The following IMMP2L variants were observed in gnomAD, a reference collection of about 807,000 sequenced individuals.
IMMP2L encodes inner mitochondrial membrane peptidase subunit 2, also known as mitochondrial inner membrane protease subunit 2.
In IMMP2L, 18 loss-of-function variants were observed where a neutral mutation model predicts 19.3. The observed-to-expected ratio is 0.93, with a 90% confidence interval of 0.64 to 1.38. The LOEUF (loss-of-function observed/expected upper bound fraction) is 1.38, where lower values mean the gene tolerates loss of function less well. Among genes scored for constraint, IMMP2L ranks in the 40% most tolerant of loss-of-function variants. IMMP2L has a pLI of 0.00. For missense variants in IMMP2L, 233 were observed against 218.2 expected (o/e 1.07, Z -0.43); for synonymous variants, 76 against 73.0 (o/e 1.04, Z -0.21).
chr7:111,296,500 A>G (rs1821655404), intron 3 of IMMP2L, among the ~76,000 whole-genome samples: 1 of 151,282 alleles, frequency 6.6e-6, no homozygotes, highest in Admixed American at 6.6e-5. Context: ...CTGTTAGAAT[A>G]GCTTTAAAAA....
chr7:111,014,386 TATACACACACAC>T (rs1355918554), intron 3 of IMMP2L, among the ~76,000 whole-genome samples: 1 of 151,810 alleles, frequency 6.6e-6, no homozygotes, highest in Non-Finnish European at 1.5e-5. Flanking sequence ...TGTATATATA[TATACACACACAC>T]ATACACACAC....
intron 3 of IMMP2L, among the ~76,000 whole-genome samples, chr7:111,132,086 C>A (rs1262650818): frequency 2.0e-5 from 3 of 151,852 alleles, no homozygotes; most frequent in African/African-American, 7.2e-5. Context: ...AGTTTCGCAT[C>A]AGAAAATGGG....
At chr7:110,860,221 A>G (rs895448324) in intron 5 of IMMP2L, among the ~76,000 whole-genome samples, 4 of 152,262 alleles carry the variant, frequency 2.6e-5, no homozygotes, top group Non-Finnish European at 2.9e-5. Context: ...CAAGATAATT[A>G]AAAATTTAAT....
intron 3 of IMMP2L, among the ~76,000 whole-genome samples, chr7:111,062,273 T>G (rs1214304302): frequency 6.6e-6 from 1 of 152,046 alleles, no homozygotes; most frequent in East Asian, 1.9e-4. Flanking sequence ...GAAGGGAGCT[T>G]GTAAAGGGAA....
intron 3 of IMMP2L, among the ~76,000 whole-genome samples, chr7:111,398,291 G>A (rs1487816599): frequency 6.6e-6 from 1 of 152,026 alleles, no homozygotes; most frequent in African/African-American, 2.4e-5. Flanking sequence ...GATCAAGTGG[G>A]TTTCATACCA....
At chr7:111,514,654 G>A (rs1845728884) in intron 2 of IMMP2L, among the ~76,000 whole-genome samples, 1 of 151,998 alleles carries the variant, frequency 6.6e-6, no homozygotes, top group African/African-American at 2.4e-5. Context: ...CAATAAAAAT[G>A]TGTTTTAAAA....
At chr7:110,694,982 T>G (rs560839413) in intron 5 of IMMP2L, among the ~76,000 whole-genome samples, 1 of 151,872 alleles carries the variant, frequency 6.6e-6, no homozygotes, top group Non-Finnish European at 1.5e-5. Context: ...TATTGTATGA[T>G]TCCATTGATA....
At chr7:111,237,489 T>C (rs1418844492) in intron 3 of IMMP2L, among the ~76,000 whole-genome samples, 1 of 152,040 alleles carries the variant, frequency 6.6e-6, no homozygotes, top group Non-Finnish European at 1.5e-5. Context: ...TAACATAGTA[T>C]AACTAAGATA....
chr7:110,863,448 T>C (rs1807656293), intron 5 of IMMP2L, among the ~76,000 whole-genome samples: 1 of 152,130 alleles, frequency 6.6e-6, no homozygotes, highest in Non-Finnish European at 1.5e-5. Context: ...ACATGGAAGG[T>C]CCCTAACTTA....
chr7:111,072,992 G>A (rs909057189), intron 3 of IMMP2L, among the ~76,000 whole-genome samples: 6 of 151,796 alleles, frequency 4.0e-5, no homozygotes, highest in African/African-American at 1.2e-4. Flanking sequence ...GCAAAGACAT[G>A]GCTATAAGGA....
intron 3 of IMMP2L, among the ~76,000 whole-genome samples, chr7:111,256,116 G>T (rs753618287): frequency 5.3e-5 from 8 of 151,920 alleles, no homozygotes; most frequent in Non-Finnish European, 8.8e-5. Context: ...TAAAACAAAA[G>T]ATTAGTTGTT....
intron 4 of IMMP2L, among the ~76,000 whole-genome samples, chr7:110,900,479 C>T (rs944261523): frequency 1.1e-4 from 17 of 152,186 alleles, no homozygotes; most frequent in African/African-American, 4.1e-4. Flanking sequence ...CAGTCACCTC[C>T]TCACTAGTTT....
At chr7:110,984,634 C>A (rs1821664538) in intron 3 of IMMP2L, among the ~76,000 whole-genome samples, 1 of 152,008 alleles carries the variant, frequency 6.6e-6, no homozygotes, top group Non-Finnish European at 1.5e-5. Flanking sequence ...TGGTAATAGT[C>A]AATGTTTAGG....
chr7:111,038,053 C>T (rs553260627), intron 3 of IMMP2L, among the ~76,000 whole-genome samples: 11 of 152,094 alleles, frequency 7.2e-5, no homozygotes, highest in African/African-American at 1.9e-4. Context: ...AAATATTGAC[C>T]GCACCATAAC....
At chr7:111,121,550 G>A (rs969513085) in intron 3 of IMMP2L, among the ~76,000 whole-genome samples, 6 of 152,158 alleles carry the variant, frequency 3.9e-5, no homozygotes, top group African/African-American at 1.4e-4. Context: ...ACACCAGTTA[G>A]AATGGCAATC....
chr7:110,830,240 T>C (rs560588590), intron 5 of IMMP2L, among the ~76,000 whole-genome samples: 1 of 152,258 alleles, frequency 6.6e-6, no homozygotes, highest in Admixed American at 6.5e-5. Context: ...GCTGACAGCA[T>C]ATACATGGGC....
At chr7:111,510,582 C>G (rs73718209) in intron 2 of IMMP2L, among the ~76,000 whole-genome samples, 137 of 152,200 alleles carry the variant, frequency 9.0e-4, no homozygotes, top group African/African-American at 3.2e-3. Flanking sequence ...CAATCCAGAA[C>G]CATACCTCCT....
intron 5 of IMMP2L, among the ~76,000 whole-genome samples, chr7:110,733,906 ACT>A (rs1239484455): frequency 1.3e-5 from 2 of 151,940 alleles, no homozygotes; most frequent in Non-Finnish European, 1.5e-5. Context: ...TCAGACACTG[ACT>A]CTGCCAGCAC....
intron 5 of IMMP2L, among the ~76,000 whole-genome samples, chr7:110,873,527 G>C (rs545719037): frequency 6.6e-6 from 1 of 151,086 alleles, no homozygotes; most frequent in East Asian, 2.0e-4. Flanking sequence ...ATTTTGGGAG[G>C]CTGAGGCGGG....
Sources: gnomAD v4.1 joint callset for allele counts (sites outside exome capture counted in the v4.1 genomes callset) on GRCh38, gnomAD v4.1.1 for gene constraint, MANE v1.5 for transcripts, NCBI Gene and HGNC (gene_info 2026-07-23, HGNC 2026-07-21) for gene names.